The following DDX1 variants were observed in gnomAD, a reference collection of about 807,000 sequenced individuals.
The protein encoded by DDX1 is ATP-dependent RNA helicase DDX1.
A neutral mutation model predicts 108.7 loss-of-function variants in DDX1; 28 were observed. The ratio of observed to expected loss-of-function variants is 0.26; its 90% CI spans 0.19 to 0.35. The LOEUF is 0.35. Among genes scored for constraint, DDX1 ranks in the 10% least tolerant of loss-of-function variants. DDX1 has a pLI of 1.00. For synonymous variants in DDX1, 295 were observed against 288.9 expected (o/e 1.02, Z -0.21); for missense variants, 710 against 884.5 (o/e 0.80, Z 2.50).
At chr2:15,618,111 A>C in intron 15 of DDX1, 70 bp from the exon 16 acceptor site, 2 of 834,448 alleles carry the variant, frequency 2.4e-6, no homozygotes, top group South Asian at 4.2e-5. Flanking sequence ...AAGATTTTTG[A>C]TACTGATTAA....
intron 1 of DDX1, 105 bp from the exon 2 acceptor site, chr2:15,595,040 G>C: frequency 1.2e-6 from 1 of 826,084 alleles, no homozygotes; most frequent in Non-Finnish European, 1.9e-6. Flanking sequence ...ATGTAACTGA[G>C]CTATCCTTCA....
chr2:15,612,145 C>T (rs1465200272), intron 13 of DDX1, among the ~76,000 whole-genome samples: 4 of 150,018 alleles, frequency 2.7e-5, no homozygotes, highest in African/African-American at 9.8e-5. Context: ...GGGCTGACCC[C>T]CCCCACCTCC....
intron 1 of DDX1, 82 bp from the exon 2 acceptor site, chr2:15,595,061 CCT>C (rs1665477073): frequency 9.3e-7 from 1 of 1,071,906 alleles, no homozygotes; most frequent in African/African-American, 1.6e-5. Context: ...AAATCTTTAC[CCT>C]GTTTTATGAA....
At chr2:15,615,538 C>T (rs1203549892) in intron 14 of DDX1, among the ~76,000 whole-genome samples, 1 of 82,946 alleles carries the variant, frequency 1.2e-5, no homozygotes, top group Non-Finnish European at 2.2e-5. Context: ...ACAATATTTT[C>T]TAGGTTGAAC....
chr2:15,630,383 G>T (rs3770470), intron 25 of DDX1, among the ~76,000 whole-genome samples: 36,087 of 152,104 alleles, frequency 0.24, 5,228 homozygotes, highest in African/African-American at 0.41. Flanking sequence ...TGTGGAATTA[G>T]TAGGAAACAA....
At chr2:15,607,889 G>C (rs984343920) in intron 13 of DDX1, among the ~76,000 whole-genome samples, 1 of 152,120 alleles carries the variant, frequency 6.6e-6, no homozygotes, top group African/African-American at 2.4e-5. Context: ...TTCATTCACT[G>C]TTAAATTTAT....
At chr2:15,628,393 T>G (rs1048812184) in intron 20 of DDX1, 52 bp from the exon 21 acceptor site, 1 of 1,336,078 alleles carries the variant, frequency 7.5e-7, no homozygotes, top group Non-Finnish European at 1.1e-6. Flanking sequence ...TTGTTTTTAT[T>G]GTTTAGTATA....
At chr2:15,619,888 A>T (rs80183668) in intron 16 of DDX1, among the ~76,000 whole-genome samples, 2,491 of 152,276 alleles carry the variant, frequency 0.016, 63 homozygotes, top group African/African-American at 0.052. Context: ...CTTAGGAAGC[A>T]TTTAAGAAGG....
rs1573049025 is a variant in DDX1, at chr2:15,620,435, G to A, written c.1395+39G>A. ...AATATTAACATTTATGTAGAATAAA[G>A]CAATTTATAAACTAGGTCAGCCTTG... On this transcript the variant is annotated intron_variant, in intron 17 of 25. Coordinates refer to ENST00000233084, the MANE Select transcript of DDX1 (RefSeq NM_004939.3). The A allele has an allele frequency of 7.2e-6, 11 of 1,519,208 alleles. No homozygotes were observed. The East Asian group carries it at 2.6e-4, about 35-fold the overall frequency. The allele number at this position is 1,519,208 out of a possible 1,614,324, so 94.1% of individuals were successfully genotyped here.
chr2:15,612,072 C>T (rs1446388979), intron 13 of DDX1, among the ~76,000 whole-genome samples: 26 of 1,074 alleles, frequency 0.024, 1 homozygote, highest in African/African-American at 0.087. Context: ...CCGGAGGGGG[C>T]GGCTGGCTGG....
At chr2:15,608,600 C>G (rs1459900344) in intron 13 of DDX1, among the ~76,000 whole-genome samples, 1 of 149,318 alleles carries the variant, frequency 6.7e-6, no homozygotes. Context: ...GTAACTGTCA[C>G]CACTATCAAA....
Position 15,630,934 on chromosome 2 carries a change from G to C in DDX1, c.*28G>C, listed in dbSNP as rs1666184897. Reference sequence around the variant, plus strand: ...TTTACATTTACTGAATAAGATTTGAGTAATGAAAGTCTGTAGTCTTAAAAC... The same window carrying C: ...TTTACATTTACTGAATAAGATTTGACTAATGAAAGTCTGTAGTCTTAAAAC... On this transcript the variant is annotated 3_prime_UTR_variant, in exon 26 of 26. Coordinates refer to ENST00000233084, the MANE Select transcript of DDX1 (RefSeq NM_004939.3). 1 of 1,609,424 alleles carries C rather than the reference G, an allele frequency of 6.2e-7. No homozygotes were observed. Among genetic ancestry groups the C allele is most frequent in the African/African-American group, 1.3e-5 (1 of 74,938 alleles).
rs1451867567 is a variant in DDX1, at chr2:15,602,562, G to A, written c.322G>A (p.Gly108Ser). 6.2e-7 allele frequency: 1 copy of A among 1,613,426 alleles called. No individual in the cohort carries two copies. The highest frequency in any genetic ancestry group is 1.7e-5 in the Admixed American group (1 of 60,022). ...RGSAFAIGSD[G>S]LCCQSREVKE... ...CTCAAATCCAGCAATTGGGTCAGAT[G>A]GTCTTTGTTGTCAAAGCAGAGAAGT... The change falls in exon 7 of 26, where the codon GGT (glycine) becomes AGT (serine). Residue 108 changes from glycine (G) to serine (S), a missense_variant. Gly to Ser is a moderately conservative substitution (Grantham distance 56). Around this residue, in one of 3 missense-constraint regions of DDX1, gnomAD observed 661 missense variants for 810.2 expected, o/e 0.82. Coordinates refer to ENST00000233084, the MANE Select transcript of DDX1 (RefSeq NM_004939.3).
At chr2:15,592,912 T>G (rs537395491) in intron 1 of DDX1, among the ~76,000 whole-genome samples, 2 of 125,138 alleles carry the variant, frequency 1.6e-5, no homozygotes, top group African/African-American at 5.9e-5. Flanking sequence ...TTTTTTTCTT[T>G]TTTGGGGGGG....
intron 13 of DDX1, among the ~76,000 whole-genome samples, chr2:15,608,685 T>TTA (rs869267698): frequency 4.7e-4 from 70 of 147,640 alleles, no homozygotes; most frequent in Middle Eastern, 3.4e-3. Flanking sequence ...TTTTTTTTTT[T>TTA]ATGAAGTCTC....
At chr2:15,601,198 A>G (rs1665584097) in intron 6 of DDX1, among the ~76,000 whole-genome samples, 1 of 152,228 alleles carries the variant, frequency 6.6e-6, no homozygotes. Context: ...TCAAGCAAGC[A>G]GTCAGTTCTC....
chr2:15,602,764 A>G, intron 7 of DDX1, 133 bp downstream of exon 7: 1 of 641,034 alleles, frequency 1.6e-6, no homozygotes, highest in South Asian at 2.0e-5. Flanking sequence ...CCCGGGCTGG[A>G]GGGCAGTGGT....
chr2:15,611,763 A>C (rs1665767330), intron 13 of DDX1, among the ~76,000 whole-genome samples: 1 of 90,884 alleles, frequency 1.1e-5, no homozygotes, highest in East Asian at 5.1e-4. Context: ...TCCCTCCCGG[A>C]CGGGGTGGCT....
chr2:15,627,390 T>TA (rs1342805870), intron 20 of DDX1: 4 of 310,762 alleles, frequency 1.3e-5, no homozygotes, highest in Non-Finnish European at 2.4e-5. Context: ...AAATTTTAGT[T>TA]AAATTATTTC....
Sources: allele counts gnomAD v4.1 joint callset (sites outside exome capture counted in the v4.1 genomes callset), GRCh38; gene constraint gnomAD v4.1.1; regional missense constraint gnomAD v4.1.1; transcripts MANE v1.5; gene names NCBI Gene and HGNC (gene_info 2026-07-23, HGNC 2026-07-21).